SEMA3A: variants seen among roughly 807,000 people sequenced by gnomAD.
SEMA3A encodes the protein semaphorin-3A.
SEMA3A carries 29 observed loss-of-function variants against 97.9 expected under a neutral mutation model. The ratio of observed to expected loss-of-function variants is 0.30; its 90% CI spans 0.22 to 0.40. The LOEUF is 0.40. SEMA3A is among the 10% of genes least tolerant of loss of function. SEMA3A has a pLI of 1.00. For missense variants in SEMA3A, 763 were observed against 951.3 expected, an observed-to-expected ratio of 0.80 and a Z score of 2.60; for synonymous variants, 321 against 323.7, an observed-to-expected ratio of 0.99 and a Z score of 0.09.
intron 1 of SEMA3A, among the ~76,000 whole-genome samples, chr7:84,147,082 C>T (rs1796485124): frequency 6.6e-6 from 1 of 152,036 alleles, no homozygotes; most frequent in South Asian, 2.1e-4. Context: ...CAAGAAAGCA[C>T]GTGTTTTTTA....
intron 1 of SEMA3A, among the ~76,000 whole-genome samples, chr7:84,383,644 C>T (rs114980665): frequency 0.016 from 2,362 of 152,136 alleles, 67 homozygotes; most frequent in African/African-American, 0.053. Context: ...GAACAGATTG[C>T]CATCCAAATT....
At chr7:84,066,818 A>T (rs1414591669) in intron 4 of SEMA3A, among the ~76,000 whole-genome samples, 1 of 152,158 alleles carries the variant, frequency 6.6e-6, no homozygotes, top group Non-Finnish European at 1.5e-5. Flanking sequence ...GGTAGGAAGA[A>T]TCAATATCGT....
At chr7:84,012,003 G>A (rs73181995) in intron 7 of SEMA3A, among the ~76,000 whole-genome samples, 327 of 150,926 alleles carry the variant, frequency 2.2e-3, no homozygotes, top group Non-Finnish European at 4.0e-3. Flanking sequence ...CAAATACCTC[G>A]TGACCTCACT....
chr7:84,491,880 T>C (rs1052752847), intron 1 of SEMA3A, among the ~76,000 whole-genome samples: 1 of 152,168 alleles, frequency 6.6e-6, no homozygotes, highest in African/African-American at 2.4e-5. Context: ...TTTTGTTTTG[T>C]TTGTTTTAAA....
chr7:84,082,225 G>A (rs930571043), intron 4 of SEMA3A, among the ~76,000 whole-genome samples: 13 of 152,166 alleles, frequency 8.5e-5, no homozygotes, highest in Non-Finnish European at 2.9e-5. Context: ...ACAGAAGCAA[G>A]AGGTATATGA....
At chr7:84,410,344 T>C (rs1171749201) in intron 1 of SEMA3A, among the ~76,000 whole-genome samples, 2 of 152,130 alleles carry the variant, frequency 1.3e-5, no homozygotes, top group African/African-American at 2.4e-5. Context: ...TTCTATAATT[T>C]TCAAGATAAA....
At chr7:84,412,224 GT>G (rs1311893387) in intron 1 of SEMA3A, among the ~76,000 whole-genome samples, 1 of 152,128 alleles carries the variant, frequency 6.6e-6, no homozygotes, top group Non-Finnish European at 1.5e-5. Flanking sequence ...GAGGTCACAG[GT>G]TTTTAAGGAG....
At chr7:84,372,740 A>G (rs1389960131) in intron 1 of SEMA3A, among the ~76,000 whole-genome samples, 1 of 152,172 alleles carries the variant, frequency 6.6e-6, no homozygotes, top group Non-Finnish European at 1.5e-5. Context: ...AATTAAAAAT[A>G]TAGGTTAGTT....
At chr7:84,483,871 C>T (rs184322449) in intron 1 of SEMA3A, among the ~76,000 whole-genome samples, 302 of 151,906 alleles carry the variant, frequency 2.0e-3, no homozygotes, top group African/African-American at 6.5e-3. Flanking sequence ...TGGTGAAACT[C>T]GTTTCTACTA....
intron 3 of SEMA3A, among the ~76,000 whole-genome samples, chr7:84,294,880 T>C (rs1208607141): frequency 6.6e-6 from 1 of 152,042 alleles, no homozygotes; most frequent in Non-Finnish European, 1.5e-5. Flanking sequence ...TCTTGAAATC[T>C]TTTTCCTAAC....
chr7:84,147,717 G>C (rs1052425748), intron 1 of SEMA3A, among the ~76,000 whole-genome samples: 1 of 152,194 alleles, frequency 6.6e-6, no homozygotes, highest in Admixed American at 6.5e-5. Flanking sequence ...TTATGAATGT[G>C]CAATAGTGCA....
intron 3 of SEMA3A, among the ~76,000 whole-genome samples, chr7:84,111,082 C>A (rs1036636715): frequency 1.3e-5 from 2 of 152,108 alleles, no homozygotes; most frequent in Admixed American, 6.6e-5. Flanking sequence ...TCATTAGTAA[C>A]CCATTTTGGA....
rs189262207 is a variant in SEMA3A at position 83,961,838 on chromosome 7, A to G, written c.1861-12T>C. 6.9e-5 allele frequency: 110 copies of G among 1,597,736 alleles called. No homozygotes were observed. The African/African-American group carries it at 1.4e-3, about 20-fold the overall frequency. On this transcript the variant is annotated splice_polypyrimidine_tract_variant and intron_variant, in intron 16 of 16. Transcript: ENST00000265362. ...TCATCCACTCTGATCTAGCAGGTTA[A>G]AAAAAAGGCAGTGTAAAATATACAT...
intron 4 of SEMA3A, among the ~76,000 whole-genome samples, chr7:84,086,126 T>C (rs1162246492): frequency 6.6e-6 from 1 of 152,076 alleles, no homozygotes; most frequent in Non-Finnish European, 1.5e-5. Context: ...AGAGCATATA[T>C]GTCAAAGGCA....
chr7:84,236,142 A>T (rs1389767922), intron 3 of SEMA3A, among the ~76,000 whole-genome samples: 1 of 152,102 alleles, frequency 6.6e-6, no homozygotes, highest in African/African-American at 2.4e-5. Context: ...TATGCCTTCA[A>T]TTTTAAGTGC....
At chr7:84,090,831 C>T (rs1003246190) in intron 4 of SEMA3A, among the ~76,000 whole-genome samples, 4 of 151,970 alleles carry the variant, frequency 2.6e-5, no homozygotes, top group African/African-American at 9.6e-5. Flanking sequence ...CTTTGAGAGG[C>T]CGAGGCAGGT....
At position 84,357,446 on chromosome 7, in the gene SEMA3A, C is replaced by T. The variant is rs202083734; in HGVS notation, c.-169+14378G>A. 0.014 allele frequency among the ~76,000 whole-genome samples: 2,198 copies of T among 152,106 alleles called. 95 individuals carry two copies. In the East Asian group the frequency reaches 0.15, roughly 10 times the overall value. On this transcript the variant is annotated intron_variant, in intron 2 of 3. Transcript: ENST00000424555. ...TGATGGTTTCCAGCTTCATCCATGT[C>T]CCTACAAAGGACATGAACTCATCAT...
At chr7:84,474,087 C>T (rs921914919) in intron 1 of SEMA3A, among the ~76,000 whole-genome samples, 11 of 152,122 alleles carry the variant, frequency 7.2e-5, no homozygotes, top group Admixed American at 6.6e-4. Flanking sequence ...TTTCTTATCT[C>T]TCAGCCTTGG....
At chr7:84,222,751 A>C (rs11979192) in intron 3 of SEMA3A, among the ~76,000 whole-genome samples, 9,645 of 151,918 alleles carry the variant, frequency 0.063, 381 homozygotes, top group African/African-American at 0.12. Flanking sequence ...TTATTCATTT[A>C]CCCATTAAAT....
Sources: gnomAD v4.1 joint callset for allele counts (sites outside exome capture counted in the v4.1 genomes callset) on GRCh38, gnomAD v4.1.1 for gene constraint, MANE v1.5 for transcripts, NCBI Gene and HGNC (gene_info 2026-07-23, HGNC 2026-07-21) for gene names.